CCNB1: variants seen among roughly 807,000 people sequenced by gnomAD.
CCNB1 encodes cyclin B1, also known as G2/mitotic-specific cyclin-B1.
In CCNB1, 26 loss-of-function variants were observed where a neutral mutation model predicts 44.4. The ratio of observed to expected loss-of-function variants is 0.59; its 90% CI spans 0.43 to 0.81. The LOEUF (loss-of-function observed/expected upper bound fraction) is 0.81. Among genes scored for constraint, CCNB1 ranks in the 40% least tolerant of loss-of-function variants. CCNB1 has a pLI of 0.00. For synonymous variants in CCNB1, 195 were observed against 181.4 expected (o/e 1.08, Z -0.60); for missense variants, 477 against 520.9 (o/e 0.92, Z 0.82).
chr5:69,175,784 T>C (rs67980996), intron 7 of CCNB1, among the ~76,000 whole-genome samples: 25,058 of 151,788 alleles, frequency 0.17, 2,355 homozygotes, highest in African/African-American at 0.25. Flanking sequence ...CCAGAGTAGC[T>C]GGGATTACAG....
chr5:69,175,587 CTAAA>C (rs2112058689), intron 7 of CCNB1, 50 bp downstream of exon 7: 2 of 1,559,268 alleles, frequency 1.3e-6, no homozygotes, highest in Non-Finnish European at 1.8e-6. Flanking sequence ...TAAAGAGTGA[CTAAA>C]TACAGAACTT....
Position 69,174,392 on chromosome 5 carries a change from A to C in CCNB1, c.688A>C (p.Ile230Leu). 2 of 1,614,062 alleles carry C rather than the reference A, an allele frequency of 1.2e-6. No homozygotes were observed. The highest frequency in any genetic ancestry group is 3.3e-5 in the Admixed American group (2 of 60,006). Residue 230 changes from isoleucine (I) to leucine (L), a missense_variant, in exon 5 of 9, where the codon ATT becomes CTT. Transcript: ENST00000256442. The part of the protein sequence containing the change: ...QETMYMTVSI[I>L]DRFMQNNCVP... ...GACCATGTACATGACTGTCTCCATT[A>C]TTGATCGGTTCATGCAGGTGAGCAT...
In CCNB1 at chr5:69,168,025, G is replaced by A; in HGVS notation, c.139G>A (p.Asp47Asn). Residue 47 changes from aspartate (D) to asparagine (N), a missense_variant, in exon 2 of 9, where the codon GAC (aspartate) becomes AAC (asparagine). By Grantham distance (23) the Asp-to-Asn change is conservative (BLOSUM62 1). Transcript: ENST00000256442. Reference sequence around the variant, plus strand: ...ACTGAGGCCAAGAACAGCTCTTGGGGACATTGGTAACAAAGTCAGTGAACA... The same window carrying A: ...ACTGAGGCCAAGAACAGCTCTTGGGAACATTGGTAACAAAGTCAGTGAACA... ...PGLRPRTALG[D>N]IGNKVSEQLQ... The A allele has an allele frequency of 6.2e-7, 1 of 1,614,222 alleles. No homozygotes were observed. The highest frequency in any genetic ancestry group is 8.5e-7 in the Non-Finnish European group (1 of 1,180,042).
chr5:69,168,436 T>C (rs1163236572), intron 3 of CCNB1, 93 bp downstream of exon 3: 3 of 1,416,748 alleles, frequency 2.1e-6, no homozygotes, highest in Non-Finnish European at 3.0e-6. Flanking sequence ...AATAGTAATA[T>C]TAATACCATT....
chr5:69,171,081 A>G (rs932602291), intron 3 of CCNB1, among the ~76,000 whole-genome samples, 189 bp from the exon 4 acceptor site: 1 of 152,296 alleles, frequency 6.6e-6, no homozygotes, highest in East Asian at 1.9e-4. Context: ...CCAAATGATC[A>G]CTTTTGATGT....
Position 69,167,189 on chromosome 5 carries a change from G to A in CCNB1, c.-74G>A. 2 of 1,347,570 alleles carry A rather than the reference G, an allele frequency of 1.5e-6. No individual in the cohort carries two copies. Among genetic ancestry groups the A allele is most frequent in the Non-Finnish European group, 2.0e-6 (2 of 989,044 alleles). The allele number at this position is 1,347,570 out of a possible 1,614,324, so 83.5% of individuals were successfully genotyped here. The stretch of plus-strand genomic sequence containing the variant: ...GAACGGCTGTTGGTTTCTGCTGGGT[G>A]TAGGTCCTTGGCTGGTCGGGCCTCC... On this transcript the variant is annotated 5_prime_UTR_variant, in exon 1 of 9. Coordinates refer to ENST00000256442, the MANE Select transcript of CCNB1 (RefSeq NM_031966.4).
At chr5:69,175,591 A>C in intron 7 of CCNB1, 54 bp downstream of exon 7, 1 of 1,546,056 alleles carries the variant, frequency 6.5e-7, no homozygotes, top group Non-Finnish European at 8.8e-7. Context: ...GAGTGACTAA[A>C]TACAGAACTT....
Position 69,167,201 on chromosome 5 carries a change from C to G in CCNB1, c.-62C>G. 6.8e-7 allele frequency: 1 copy of G among 1,462,088 alleles called. No individual in the cohort carries two copies. Among genetic ancestry groups the G allele is most frequent in the Non-Finnish European group, 9.2e-7 (1 of 1,087,896 alleles). 90.6% of individuals were successfully genotyped at this position (1,462,088 alleles called of 1,614,324 possible). On this transcript the variant is annotated 5_prime_UTR_variant, in exon 1 of 9. Transcript: ENST00000256442. Reference sequence around the variant, plus strand: ...GTTTCTGCTGGGTGTAGGTCCTTGGCTGGTCGGGCCTCCGGTGTTCTGCTT... The same window carrying G: ...GTTTCTGCTGGGTGTAGGTCCTTGGGTGGTCGGGCCTCCGGTGTTCTGCTT...
Position 69,177,668 on chromosome 5 carries a change from A to G in CCNB1, c.*37A>G. ...GAGTTGGAGTACTATATTTACAAATAAAATTGGCACCATGTGCCATCTGTA... is the reference window on the plus strand; with the variant it reads ...GAGTTGGAGTACTATATTTACAAATGAAATTGGCACCATGTGCCATCTGTA... On this transcript the variant is annotated 3_prime_UTR_variant, in exon 9 of 9. Transcript: ENST00000256442. The G allele has an allele frequency of 7.8e-7, 1 of 1,285,622 alleles. No homozygotes were observed. The allele number at this position is 1,285,622 out of a possible 1,614,324, so 79.6% of individuals were successfully genotyped here.
Position 69,177,333 on chromosome 5 carries a change from G to A in CCNB1, c.1178G>A (p.Gly393Glu), listed in dbSNP as rs1051924172. 4 of 1,607,482 alleles carry A rather than the reference G, an allele frequency of 2.5e-6. No individual in the cohort carries two copies. The highest frequency in any genetic ancestry group is 1.7e-4 in the Middle Eastern group (1 of 6,048). Residue 393 changes from glycine (G) to glutamate (E), a missense_variant, in exon 8 of 9, where the codon GGA becomes GAA. Physicochemically the swap from Gly to Glu is moderately conservative, Grantham distance 98 (BLOSUM62 -2). Transcript: ENST00000256442. ...AAGAATGTAGTCATGGTAAATCAAGGACTTACAAAGCACATGGTGAGTCAA... is the reference window on the plus strand; with the variant it reads ...AAGAATGTAGTCATGGTAAATCAAGAACTTACAAAGCACATGGTGAGTCAA... ...LAKNVVMVNQ[G>E]LTKHMTVKNK...
chr5:69,167,354 G>T (rs1747356845), intron 1 of CCNB1, 71 bp downstream of exon 1: 4 of 1,564,088 alleles, frequency 2.6e-6, no homozygotes, highest in Non-Finnish European at 3.5e-6. Flanking sequence ...CTCGCCTGCG[G>T]GAGCCTCCCG....
At chr5:69,170,391 G>C (rs1747433839) in intron 3 of CCNB1, among the ~76,000 whole-genome samples, 2 of 152,178 alleles carry the variant, frequency 1.3e-5, no homozygotes, top group South Asian at 4.1e-4. Context: ...TGAACAATGG[G>C]ATAAAGGGAG....
Position 69,167,224 on chromosome 5 carries a change from C to CTT in CCNB1, c.-38_-37dup, listed in dbSNP as rs1747352320. ...GGCTGGTCGGGCCTCCGGTGTTCTG[C>CTT]TTCTCCCCGCTGAGCTGCTGCCTGG... is the stretch of plus-strand genomic sequence containing the variant. On this transcript the variant is annotated 5_prime_UTR_variant, in exon 1 of 9. Coordinates refer to ENST00000256442, the MANE Select transcript of CCNB1 (RefSeq NM_031966.4). 6.5e-7 allele frequency: 1 copy of CTT among 1,542,052 alleles called. No individual in the cohort carries two copies. The highest frequency in any genetic ancestry group is 1.2e-5 in the South Asian group (1 of 81,790).
At chr5:69,176,649 C>T (rs1334451236) in intron 7 of CCNB1, among the ~76,000 whole-genome samples, 7 of 151,334 alleles carry the variant, frequency 4.6e-5, no homozygotes, top group Admixed American at 3.3e-4. Flanking sequence ...GGATTACAGG[C>T]GTGAGCCATT....
At chr5:69,171,225 G>C in intron 3 of CCNB1, 45 bp from the exon 4 acceptor site, 1 of 1,484,026 alleles carries the variant, frequency 6.7e-7, no homozygotes, top group Non-Finnish European at 9.2e-7. Flanking sequence ...CCAAACTATA[G>C]TGCTTACTTC....
intron 7 of CCNB1, among the ~76,000 whole-genome samples, chr5:69,176,282 A>G (rs903817855): frequency 1.3e-5 from 2 of 151,594 alleles, no homozygotes; most frequent in Non-Finnish European, 2.9e-5. Flanking sequence ...CTTGAAGGTC[A>G]AATGACATAC....
intron 1 of CCNB1, chr5:69,167,600 G>A: frequency 2.0e-6 from 1 of 511,022 alleles, no homozygotes; most frequent in Non-Finnish European, 3.4e-6. Context: ...CAGCAACTCT[G>A]TAACCCCCTT....
At chr5:69,168,893 CTT>C (rs529725026) in intron 3 of CCNB1, among the ~76,000 whole-genome samples, 105 of 152,258 alleles carry the variant, frequency 6.9e-4, no homozygotes, top group African/African-American at 2.5e-3. Context: ...TGAATTAACA[CTT>C]AGCCTCAAAA....
chr5:69,171,598 T>C (rs905201698), intron 4 of CCNB1, 146 bp downstream of exon 4: 11 of 604,978 alleles, frequency 1.8e-5, no homozygotes, highest in Non-Finnish European at 2.8e-5. Context: ...GGAATACCTA[T>C]AATAAAAAGT....
Sources: allele counts gnomAD v4.1 joint callset (sites outside exome capture counted in the v4.1 genomes callset), GRCh38; gene constraint gnomAD v4.1.1; transcripts MANE v1.5; gene names NCBI Gene and HGNC (gene_info 2026-07-23, HGNC 2026-07-21).